Variants in UVSSA observed in about 807,000 individuals in gnomAD.
The protein encoded by UVSSA is UV stimulated scaffold protein A.
A neutral mutation model predicts 73.9 loss-of-function variants in UVSSA; 72 were observed. That is an observed-to-expected ratio of 0.97 (90% CI 0.81 to 1.19). The LOEUF (loss-of-function observed/expected upper bound fraction) is 1.19. Among genes scored for constraint, UVSSA ranks in the 50% most tolerant of loss-of-function variants. The pLI is 0.00. For synonymous variants in UVSSA, 454 were observed against 391.3 expected, an observed-to-expected ratio of 1.16 and a Z score of -1.89; for missense variants, 1,150 against 965.0, an observed-to-expected ratio of 1.19 and a Z score of -2.54.
chr4:1,383,419 G>A (rs925971931), intron 12 of UVSSA, among the ~76,000 whole-genome samples: 1 of 152,110 alleles, frequency 6.6e-6, no homozygotes, highest in East Asian at 1.9e-4. Flanking sequence ...GGCCTTAGCC[G>A]CCTTCCAGCC....
downstream of UVSSA, chr4:1,388,595 G>A (rs920646179): frequency 6.6e-6 from 1 of 152,210 alleles, no homozygotes; most frequent in Non-Finnish European, 1.5e-5. Context: ...TAACAATGCA[G>A]TTTTGTGTAG....
chr4:1,375,098 C>T (rs888355842), intron 8 of UVSSA: 1 of 510,582 alleles, frequency 2.0e-6, no homozygotes, highest in African/African-American at 2.0e-5. Flanking sequence ...TTCTGCAAAG[C>T]CCGGCAGCAC....
upstream of UVSSA, among the ~76,000 whole-genome samples, chr4:1,343,176 T>A (rs1713492683): frequency 6.6e-6 from 1 of 152,146 alleles, no homozygotes; most frequent in Non-Finnish European, 1.5e-5. Context: ...CTAGAGGAGA[T>A]GCTGGCAGGG....
chr4:1,363,245 C>T (rs1194303598), intron 7 of UVSSA, among the ~76,000 whole-genome samples: 4 of 152,100 alleles, frequency 2.6e-5, no homozygotes, highest in Admixed American at 2.0e-4. Context: ...GCCGCTGTTA[C>T]GGAGGGAGAT....
At chr4:1,385,798 A>G (rs1720050148) in intron 13 of UVSSA, 70 bp from the exon 14 acceptor site, 9 of 1,542,700 alleles carry the variant, frequency 5.8e-6, no homozygotes, top group African/African-American at 1.4e-5. Flanking sequence ...AACTTTGGTG[A>G]TGCCGCCACT....
rs200469736 is a variant in UVSSA at position 1,366,352 on chromosome 4, G to A, written c.1209G>A (p.Glu403=). 52 of 1,613,318 alleles carry A rather than the reference G, an allele frequency of 3.2e-5. No individual in the cohort carries two copies. The highest frequency in any genetic ancestry group is 1.2e-4 in the South Asian group (11 of 91,040). Residue 403 remains glutamate, a synonymous_variant, in exon 8 of 14, where the codon GAG becomes GAA. Coordinates refer to ENST00000389851, the MANE Select transcript of UVSSA (RefSeq NM_020894.4). ...TEALGDAEED[E]DDEDFVEVPE... ...CCCTGGGGGATGCGGAGGAAGATGAGGACGATGAGGACTTTGTGGAGGTCC... is the reference window on the plus strand; with the variant it reads ...CCCTGGGGGATGCGGAGGAAGATGAAGACGATGAGGACTTTGTGGAGGTCC...
chr4:1,357,137 G>T (rs1715894832), intron 7 of UVSSA: 2 of 146,432 alleles, frequency 1.4e-5, no homozygotes, highest in South Asian at 4.2e-4. Flanking sequence ...TCAGGCCTGG[G>T]CCCCTCCAGC....
At position 1,353,459 on chromosome 4, in the gene UVSSA, C is replaced by T. The variant is rs369595773; in HGVS notation, c.934+46C>T. ...TCTGTGGCGCCACCCTGCCCCGGCT[C>T]CCGGGTAGGCTCCTCCCTCACTGGC... On this transcript the variant is annotated intron_variant, in intron 5 of 13. Transcript: ENST00000389851. The T allele has an allele frequency of 1.7e-4, 246 of 1,438,376 alleles. No homozygotes were observed. The African/African-American group carries it at 3.0e-3, about 17-fold the overall frequency. The allele number at this position is 1,438,376 out of a possible 1,614,324, so 89.1% of individuals were successfully genotyped here.
intron 8 of UVSSA, 159 bp from the exon 9 acceptor site, chr4:1,375,205 C>T (rs1404353465): frequency 4.9e-5 from 61 of 1,232,490 alleles, no homozygotes; most frequent in Middle Eastern, 2.8e-4. Context: ...CTCCGGGCCT[C>T]ACCCTCGCCC....
At chr4:1,360,994 CAGG>C (rs546193895) in intron 7 of UVSSA, among the ~76,000 whole-genome samples, 192 of 152,320 alleles carry the variant, frequency 1.3e-3, no homozygotes, top group African/African-American at 4.0e-3. Flanking sequence ...TTGGCTGCCC[CAGG>C]AGAAGAGGCC....
downstream of UVSSA, chr4:1,391,451 T>G (rs1224412971): frequency 6.6e-6 from 1 of 152,260 alleles, no homozygotes; most frequent in Admixed American, 6.5e-5. Context: ...TTTGTCAGCT[T>G]TTGTTTCATA....
At chr4:1,358,648 C>T (rs1245692664) in intron 7 of UVSSA, 1 of 152,248 alleles carries the variant, frequency 6.6e-6, no homozygotes, top group African/African-American at 2.4e-5. Context: ...GCCGCTGCGT[C>T]CGAGTGGCGT....
Position 1,353,210 on chromosome 4 carries a change from A to AC in UVSSA, c.736dup (p.Arg246ProfsTer10). The AC allele has an allele frequency of 1.2e-6, 2 of 1,612,196 alleles. No individual in the cohort carries two copies. The highest frequency in any genetic ancestry group is 2.7e-5 in the African/African-American group (2 of 74,962). On this transcript the variant is annotated frameshift_variant, in exon 5 of 14. Coordinates refer to ENST00000389851, the MANE Select transcript of UVSSA (RefSeq NM_020894.4). LOFTEE classifies it high-confidence loss of function. Reference sequence around the variant, plus strand: ...GGCCCCTGCCGGTCTGGCACCCCTGACCCCCGGGACGGGGAGCAGCCCTGC... The same window carrying AC: ...GGCCCCTGCCGGTCTGGCACCCCTGACCCCCCGGGACGGGGAGCAGCCCTGC...
chr4:1,374,546 G>T (rs985388512), intron 8 of UVSSA, among the ~76,000 whole-genome samples: 1 of 152,258 alleles, frequency 6.6e-6, no homozygotes, highest in African/African-American at 2.4e-5. Flanking sequence ...CCAGGGGCTG[G>T]TGGCCTCGTC....
intron 7 of UVSSA, among the ~76,000 whole-genome samples, chr4:1,365,874 C>T (rs1717245293): frequency 1.3e-5 from 2 of 151,574 alleles, no homozygotes; most frequent in Non-Finnish European, 2.9e-5. Flanking sequence ...GCCTCAGGGG[C>T]ACCGCAGACG....
At chr4:1,395,449 C>T (rs751034110) in exon 14 of UVSSA, 9 of 1,594,002 alleles carry the variant, frequency 5.6e-6, no homozygotes. Flanking sequence ...CCCGCCTGCT[C>T]ACGTGCCCAT....
At chr4:1,355,321 C>T (rs1056853877) in intron 7 of UVSSA, 76 bp downstream of exon 7, 8 of 1,440,984 alleles carry the variant, frequency 5.6e-6, no homozygotes, top group South Asian at 1.3e-5. Flanking sequence ...GGGGGTTGTG[C>T]CCTGGGCCTG....
rs1720084672 is a variant in UVSSA at position 1,386,045 on chromosome 4, A to G, written c.*84A>G. ...CAGCAGAGTGGGCGTGGGTCTGGGC[A>G]GTAACCATGCTTTGTCTATTACTGT... is the stretch of plus-strand genomic sequence containing the variant. On this transcript the variant is annotated 3_prime_UTR_variant, in exon 14 of 14. Transcript: ENST00000389851. 2 of 1,377,034 alleles carry G rather than the reference A, an allele frequency of 1.5e-6. No homozygotes were observed. Among genetic ancestry groups the G allele is most frequent in the African/African-American group, 1.4e-5 (1 of 70,440 alleles). The allele number at this position is 1,377,034 out of a possible 1,614,324, so 85.3% of individuals were successfully genotyped here.
intron 8 of UVSSA, among the ~76,000 whole-genome samples, chr4:1,371,263 T>C: frequency 7.9e-6 from 1 of 126,916 alleles, no homozygotes; most frequent in Non-Finnish European, 1.5e-5. Flanking sequence ...GACCTGTGTG[T>C]GTGTGTGTGT....
Sources: allele counts gnomAD v4.1 joint callset (sites outside exome capture counted in the v4.1 genomes callset), GRCh38; gene constraint gnomAD v4.1.1; transcripts MANE v1.5; gene names NCBI Gene and HGNC (gene_info 2026-07-23, HGNC 2026-07-21).